The following XDH variants were observed in gnomAD, a reference collection of about 807,000 sequenced individuals.
The protein encoded by XDH is xanthine dehydrogenase/oxidase.
Under a neutral mutation model 156.1 loss-of-function variants are expected in XDH, and 138 were observed. The ratio of observed to expected loss-of-function variants is 0.88; its 90% CI spans 0.77 to 1.02. XDH has a LOEUF of 1.02. Among genes scored for constraint, XDH ranks in the 50% least tolerant of loss-of-function variants. XDH has a pLI of 0.00. For synonymous variants in XDH, 669 were observed against 625.7 expected, an observed-to-expected ratio of 1.07 and a Z score of -1.03; for missense variants, 1,849 against 1,684.9, an observed-to-expected ratio of 1.10 and a Z score of -1.71.
In XDH at chr2:31,366,118, G is replaced by A. The variant is rs1029537172; in HGVS notation, c.2323-9C>T. 7 of 1,614,100 alleles carry A rather than the reference G, an allele frequency of 4.3e-6. No individual in the cohort carries two copies. In the Admixed American group the frequency reaches 5.0e-5, roughly 12 times the overall value. ...ATTTTTGCAACAAAGCTCTGTGAGT[G>A]AAAGACAGAACATTCGCACTGAATG... On this transcript the variant is annotated splice_polypyrimidine_tract_variant and intron_variant, in intron 21 of 35. Transcript: ENST00000379416.
At chr2:31,344,371 G>A (rs142922610) in intron 31 of XDH, among the ~76,000 whole-genome samples, 14 of 152,246 alleles carry the variant, frequency 9.2e-5, no homozygotes, top group Admixed American at 5.2e-4. Flanking sequence ...GCCCCAATAC[G>A]TCACCCATGA....
intron 35 of XDH, 134 bp downstream of exon 35, chr2:31,337,507 G>T: frequency 1.7e-6 from 2 of 1,189,320 alleles, no homozygotes; most frequent in Non-Finnish European, 1.2e-6. Flanking sequence ...GCACAATGAA[G>T]GGTGGCCATT....
At chr2:31,365,755 C>T (rs1396459054) in intron 22 of XDH, among the ~76,000 whole-genome samples, 1 of 152,130 alleles carries the variant, frequency 6.6e-6, no homozygotes, top group African/African-American at 2.4e-5. Flanking sequence ...GAGCTCACAG[C>T]CAGTAGGAGA....
At chr2:31,378,013 G>A (rs978442863) in intron 13 of XDH, among the ~76,000 whole-genome samples, 3 of 148,430 alleles carry the variant, frequency 2.0e-5, no homozygotes, top group African/African-American at 7.5e-5. Flanking sequence ...CAGGCAGAGT[G>A]AGAATCTGTC....
intron 6 of XDH, among the ~76,000 whole-genome samples, chr2:31,395,816 A>G (rs970872107): frequency 6.6e-6 from 1 of 152,206 alleles, no homozygotes; most frequent in Non-Finnish European, 1.5e-5. Flanking sequence ...TTGATTCTTC[A>G]GTTTGTTCAG....
chr2:31,391,390 G>C (rs1282149753), intron 6 of XDH, among the ~76,000 whole-genome samples: 1 of 152,002 alleles, frequency 6.6e-6, no homozygotes, highest in Non-Finnish European at 1.5e-5. Context: ...ACACTGTCTT[G>C]ATAACTGCAG....
At chr2:31,384,409 A>G (rs148756340) in intron 9 of XDH, 1,799 of 155,418 alleles carry the variant, frequency 0.012, 19 homozygotes, top group South Asian at 0.038. Flanking sequence ...AAAGTTTAAC[A>G]TTAAAACAAA....
intron 2 of XDH, among the ~76,000 whole-genome samples, chr2:31,403,583 C>T (rs1017166545): frequency 1.3e-5 from 2 of 150,706 alleles, no homozygotes; most frequent in African/African-American, 2.5e-5. Flanking sequence ...GTTCTGGGAC[C>T]TCTGAGTCCT....
Position 31,401,314 on chromosome 2 carries a change from T to C in XDH, c.212A>G (p.Asn71Ser), listed in dbSNP as rs748477338. The C allele has an allele frequency of 6.2e-7, 1 of 1,614,046 alleles. No homozygotes were observed. The highest frequency in any genetic ancestry group is 8.5e-7 in the Non-Finnish European group (1 of 1,180,024). The stretch of plus-strand genomic sequence containing the variant: ...GGAGCAGATGGGGGCCAGGCAGGCA[T>C]TGGCAGAAAAGTGGCTAGAACCCCA... ...LQNKIVHFSANACLAPICSLH... is the reference protein window; with the variant it reads ...LQNKIVHFSASACLAPICSLH... Residue 71 changes from asparagine (N) to serine (S), a missense_variant, in exon 4 of 36, where the codon AAT (asparagine) becomes AGT (serine). Transcript: ENST00000379416.
Position 31,377,038 on chromosome 2 carries a change from G to T in XDH, c.1427+15C>A, listed in dbSNP as rs116569100. ...GCAACATTAGCAGCAGTTTCATTGT[G>T]CTGTTAGCTCTTACTTGGAAAGCTG... On this transcript the variant is annotated intron_variant, in intron 14 of 35. Transcript: ENST00000379416. The T allele has an allele frequency of 1.3e-3, 2,144 of 1,614,008 alleles. 19 individuals are homozygous for T. In the African/African-American group the frequency reaches 0.023, roughly 18 times the overall value.
chr2:31,377,281 AG>A (rs1558696001), intron 13 of XDH, 44 bp from the exon 14 acceptor site: 24 of 1,611,760 alleles, frequency 1.5e-5, no homozygotes, highest in Non-Finnish European at 2.0e-5. Context: ...CTTGCTCTGT[AG>A]GGGCTGCAAA....
chr2:31,367,875 C>T, intron 20 of XDH, 86 bp downstream of exon 20: 2 of 1,306,522 alleles, frequency 1.5e-6, no homozygotes, highest in South Asian at 2.4e-5. Flanking sequence ...AATCACTTCC[C>T]TGCTTCAGGG....
Position 31,350,165 on chromosome 2 carries a change from C to T in XDH, c.2690G>A (p.Gly897Asp). 1 of 1,614,178 alleles carries T rather than the reference C, an allele frequency of 6.2e-7. No individual in the cohort carries two copies. Among genetic ancestry groups the T allele is most frequent in the Non-Finnish European group, 8.5e-7 (1 of 1,180,040 alleles). The change falls in exon 25 of 36, where the codon GGC (glycine) becomes GAC (aspartate). Residue 897 changes from glycine to aspartate, a missense_variant. By Grantham distance (94) the Gly-to-Asp change is moderately conservative (BLOSUM62 -1). Transcript: ENST00000379416. ...GTTGGTTTTGCACAGCCGCCCAGTGCCCCGGATGTTGGGGATTTTATAGCA... is the reference window on the plus strand; with the variant it reads ...GTTGGTTTTGCACAGCCGCCCAGTGTCCCGGATGTTGGGGATTTTATAGCA... ...DNCYKIPNIR[G>D]TGRLCKTNLP... is the part of the protein sequence containing the mutation.
chr2:31,381,537 T>C, intron 12 of XDH, 96 bp downstream of exon 12: 1 of 1,284,970 alleles, frequency 7.8e-7, no homozygotes, highest in East Asian at 2.5e-5. Flanking sequence ...GCTGGGTCAC[T>C]GAACTTTGAG....
At chr2:31,354,389 T>A (rs949646127) in intron 24 of XDH, among the ~76,000 whole-genome samples, 1 of 152,192 alleles carries the variant, frequency 6.6e-6, no homozygotes, top group African/African-American at 2.4e-5. Context: ...TACCAAGTGA[T>A]AGGAAGATCT....
intron 24 of XDH, among the ~76,000 whole-genome samples, chr2:31,363,830 T>C (rs936512295): frequency 2.0e-5 from 3 of 152,130 alleles, no homozygotes; most frequent in Non-Finnish European, 2.9e-5. Flanking sequence ...ATATTAGTAT[T>C]AGTTTATATG....
At chr2:31,359,143 T>C (rs539406266) in intron 24 of XDH, among the ~76,000 whole-genome samples, 3 of 152,138 alleles carry the variant, frequency 2.0e-5, no homozygotes, top group African/African-American at 7.2e-5. Flanking sequence ...AGACAGACAA[T>C]ACCAAGTGTT....
intron 9 of XDH, among the ~76,000 whole-genome samples, chr2:31,385,759 TG>T (rs1206016549): frequency 1.3e-5 from 2 of 152,148 alleles, no homozygotes; most frequent in East Asian, 3.9e-4. Flanking sequence ...ACGTCCTAGG[TG>T]GTAGCACTGA....
Position 31,368,530 on chromosome 2 carries a change from T to G in XDH, c.2100+11A>C. The G allele has an allele frequency of 1.2e-6, 2 of 1,614,190 alleles. No individual in the cohort carries two copies. On this transcript the variant is annotated intron_variant, in intron 19 of 35. Transcript: ENST00000379416. ...CTCACTCCTCTACACAGGCAGCCCA[T>G]TCTCAGTTACCTCAATTGTGATAAT...
Sources: allele counts gnomAD v4.1 joint callset (sites outside exome capture counted in the v4.1 genomes callset), GRCh38; gene constraint gnomAD v4.1.1; transcripts MANE v1.5; gene names NCBI Gene and HGNC (gene_info 2026-07-23, HGNC 2026-07-21).